The following FLNB variants were observed in gnomAD, a reference collection of about 807,000 sequenced individuals.
The protein encoded by FLNB is filamin B.
In FLNB, 111 loss-of-function variants were observed where a neutral mutation model predicts 250.6. That is an observed-to-expected ratio of 0.44 (90% CI 0.38 to 0.52). FLNB has a LOEUF of 0.52. Ranked by LOEUF, FLNB falls within the 20% of genes least tolerant of loss-of-function variation. FLNB has a pLI of 0.00. For missense variants in FLNB, 2,869 were observed against 3,447.8 expected (o/e 0.83, Z 4.20); for synonymous variants, 1,302 against 1,372.1 (o/e 0.95, Z 1.13).
At chr3:58,132,263 T>A in intron 25 of FLNB, 1 of 511,666 alleles carries the variant, frequency 2.0e-6, no homozygotes, top group African/African-American at 1.9e-5. Flanking sequence ...AGGCTTCACC[T>A]TGAGGGTCCC....
intron 24 of FLNB, among the ~76,000 whole-genome samples, chr3:58,128,527 A>G (rs2097301504): frequency 6.6e-6 from 1 of 152,186 alleles, no homozygotes; most frequent in Non-Finnish European, 1.5e-5. Flanking sequence ...GCTATGAAGA[A>G]TGAGAATGGG....
rs762374283 is a variant in FLNB, at chr3:58,118,908, C to A, written c.2782C>A (p.Pro928Thr). The stretch of plus-strand genomic sequence containing the variant: ...GGTTCTGGTGACTTACGGTGGCGAT[C>A]CCATCCCTAAAAGCCCTTTCACTGT... Reference protein sequence around the residue: ...MQVLVTYGGDPIPKSPFTVGV... With the variant: ...MQVLVTYGGDTIPKSPFTVGV... The change falls in exon 19 of 46, where the codon CCC (proline) becomes ACC (threonine). Residue 928 changes from proline (P) to threonine (T), a missense_variant. Pro to Thr is a conservative substitution (Grantham distance 38). Transcript: ENST00000295956. The A allele has an allele frequency of 6.2e-7, 1 of 1,614,080 alleles. No homozygotes were observed. The highest frequency in any genetic ancestry group is 8.5e-7 in the Non-Finnish European group (1 of 1,180,004).
intron 1 of FLNB, among the ~76,000 whole-genome samples, chr3:58,038,408 T>C (rs1261184543): frequency 6.6e-6 from 1 of 151,814 alleles, no homozygotes; most frequent in Non-Finnish European, 1.5e-5. Context: ...GAGTTAGTTC[T>C]TGTCAGAATC....
chr3:58,032,392 AC>A (rs2097132286), intron 1 of FLNB, among the ~76,000 whole-genome samples: 2 of 152,126 alleles, frequency 1.3e-5, no homozygotes, highest in South Asian at 4.1e-4. Flanking sequence ...TGAGCTAATT[AC>A]CTTAGAATGT....
rs140118058 is a variant in FLNB, at chr3:58,141,248, G to C, written c.5110-610G>C. Reference sequence around the variant, plus strand: ...AGCCTGGATGACAGAGCAAAACTCTGCCTCAAAAAAAATTAAATAATTAAC... The same window carrying C: ...AGCCTGGATGACAGAGCAAAACTCTCCCTCAAAAAAAATTAAATAATTAAC... On this transcript the variant is annotated intron_variant, in intron 29 of 45. Coordinates refer to ENST00000295956, the MANE Select transcript of FLNB (RefSeq NM_001457.4). 2.2e-3 allele frequency among the ~76,000 whole-genome samples: 335 copies of C among 152,206 alleles called. 2 individuals carry two copies. Among genetic ancestry groups the C allele is most frequent in the African/African-American group, 7.7e-3 (319 of 41,538 alleles).
In FLNB at chr3:58,126,715, C is replaced by T. The variant is rs182296960; in HGVS notation, c.4175C>T (p.Pro1392Leu). ...AGTGCTGAGTACATTCCTTTCGCAC[C>T]GGGGGATTACGATGTTAATATCACA... ...SCSAEYIPFA[P>L]GDYDVNITYG... Residue 1392 changes from proline (P) to leucine (L), a missense_variant, in exon 24 of 46, where the codon CCG (proline) becomes CTG (leucine). Physicochemically the swap from Pro to Leu is moderately conservative, Grantham distance 98. Coordinates refer to ENST00000295956, the MANE Select transcript of FLNB (RefSeq NM_001457.4). 3.8e-5 allele frequency: 61 copies of T among 1,613,742 alleles called. No individual in the cohort carries two copies. The highest frequency in any genetic ancestry group is 3.6e-4 in the South Asian group (33 of 91,046).
intron 1 of FLNB, among the ~76,000 whole-genome samples, chr3:58,041,725 C>A (rs1471363590): frequency 6.6e-6 from 1 of 152,162 alleles, no homozygotes; most frequent in Non-Finnish European, 1.5e-5. Context: ...GCTTGGGTCA[C>A]CTGGGTCATG....
intron 1 of FLNB, among the ~76,000 whole-genome samples, chr3:58,066,611 A>G (rs1288589738): frequency 6.6e-6 from 1 of 152,228 alleles, no homozygotes; most frequent in African/African-American, 2.4e-5. Flanking sequence ...GTGGTAAGAT[A>G]GTTACTGTAT....
In FLNB at chr3:58,104,066, G is replaced by T; in HGVS notation, c.1591G>T (p.Gly531Ter). Residue 531 changes from glycine (G) to a stop codon, truncating the protein, a stop_gained, in exon 10 of 46, where the codon GGA becomes TGA. Coordinates refer to ENST00000295956, the MANE Select transcript of FLNB (RefSeq NM_001457.4). LOFTEE classifies it high-confidence loss of function. ...ATACAGCATTGCCATCACATGGGGG[G>T]GACACCACATTCCAAAGAGGTGAGG... Reference protein sequence around the residue: ...GRYSIAITWGGHHIPKSPFEV... With the variant: ...GRYSIAITWG 6.2e-7 allele frequency: 1 copy of T among 1,613,910 alleles called. No homozygotes were observed. The highest frequency in any genetic ancestry group is 1.1e-5 in the South Asian group (1 of 91,052).
intron 2 of FLNB, among the ~76,000 whole-genome samples, chr3:58,077,877 G>A (rs2097203852): frequency 6.6e-6 from 1 of 152,090 alleles, no homozygotes; most frequent in Non-Finnish European, 1.5e-5. Flanking sequence ...TCCCACTGGA[G>A]GGTTTAGATT....
chr3:58,117,699 A>T (rs1240071287), intron 18 of FLNB, among the ~76,000 whole-genome samples: 2 of 150,902 alleles, frequency 1.3e-5, no homozygotes, highest in African/African-American at 4.8e-5. Context: ...TTACCAGGAA[A>T]TGTTGTTCAC....
At chr3:58,026,527 C>T (rs2097123855) in intron 1 of FLNB, among the ~76,000 whole-genome samples, 1 of 152,186 alleles carries the variant, frequency 6.6e-6, no homozygotes, top group Non-Finnish European at 1.5e-5. Flanking sequence ...GTACAAACAG[C>T]ATCAAAGTCG....
At chr3:58,152,225 A>T (rs913903695) in intron 38 of FLNB, among the ~76,000 whole-genome samples, 1 of 152,114 alleles carries the variant, frequency 6.6e-6, no homozygotes, top group Non-Finnish European at 1.5e-5. Context: ...CCTCTCGGAG[A>T]TCCCCTCCTC....
At chr3:58,040,306 G>C (rs2097144243) in intron 1 of FLNB, among the ~76,000 whole-genome samples, 2 of 151,984 alleles carry the variant, frequency 1.3e-5, no homozygotes, top group African/African-American at 4.8e-5. Context: ...GGGAGTGTGA[G>C]TAAACAGTTA....
intron 1 of FLNB, among the ~76,000 whole-genome samples, chr3:58,053,898 G>A (rs1305239034): frequency 6.6e-6 from 1 of 152,230 alleles, no homozygotes; most frequent in Admixed American, 6.5e-5. Context: ...CAGAGAAAGT[G>A]TTCACAAGTT....
chr3:58,128,404 T>TA (rs1333265200), intron 24 of FLNB, among the ~76,000 whole-genome samples: 1 of 152,180 alleles, frequency 6.6e-6, no homozygotes, highest in Admixed American at 6.5e-5. Flanking sequence ...AATATAGATT[T>TA]AAAAAATTCC....
At position 58,105,193 on chromosome 3, in the gene FLNB, T is replaced by A. The variant is rs904473276; in HGVS notation, c.1724T>A (p.Ile575Asn). ...TCAGCGGACTTCGTGGTAGAATCCA[T>A]TGGCTCTGAAGTGGGGTCTCTGGGT... ...GRSADFVVESIGSEVGSLGFA... is the reference protein window; with the variant it reads ...GRSADFVVESNGSEVGSLGFA... Residue 575 changes from isoleucine (I) to asparagine (N), a missense_variant, in exon 11 of 46, where the codon ATT becomes AAT. By Grantham distance (149) the Ile-to-Asn change is moderately radical. Coordinates refer to ENST00000295956, the MANE Select transcript of FLNB (RefSeq NM_001457.4). 1 of 1,614,166 alleles carries A rather than the reference T, an allele frequency of 6.2e-7. No homozygotes were observed. The highest frequency in any genetic ancestry group is 1.3e-5 in the African/African-American group (1 of 75,036).
chr3:58,008,996 AG>A lies in FLNB; in HGVS notation c.292+145del, dbSNP rs1263853643. ...GGAGTCGTCCCCAGGGGTGGGTTAT[AG>A]GGGGCCTAGACCCCCTCCCCGGTGT... On this transcript the variant is annotated intron_variant, in intron 1 of 45. Transcript: ENST00000295956. 3.8e-5 allele frequency: 36 copies of A among 959,724 alleles called. No homozygotes were observed. In the African/African-American group the frequency reaches 4.2e-4, roughly 11 times the overall value. The allele number at this position is 959,724 out of a possible 1,614,324, so 59.5% of individuals were successfully genotyped here.
chr3:58,073,290 C>T (rs762467840), intron 1 of FLNB, among the ~76,000 whole-genome samples: 24 of 152,024 alleles, frequency 1.6e-4, no homozygotes, highest in South Asian at 2.1e-4. Context: ...GTAGTAACTC[C>T]GTAATCAATA....
Sources: allele counts gnomAD v4.1 joint callset (sites outside exome capture counted in the v4.1 genomes callset), GRCh38; gene constraint gnomAD v4.1.1; transcripts MANE v1.5; gene names NCBI Gene and HGNC (gene_info 2026-07-23, HGNC 2026-07-21).